Variants in DNAH9 observed in about 807,000 individuals in gnomAD.
DNAH9 encodes the protein DNAH9 variant protein.
In DNAH9, 345 loss-of-function variants were observed where a neutral mutation model predicts 471.6. The ratio of observed to expected loss-of-function variants is 0.73; its 90% CI spans 0.67 to 0.80. DNAH9 has a LOEUF of 0.80. Ranked by LOEUF, DNAH9 falls within the 30% of genes least tolerant of loss-of-function variation. DNAH9 has a pLI of 0.00. For synonymous variants in DNAH9, 2,093 were observed against 2,123.6 expected (o/e 0.99, Z 0.40); for missense variants, 5,407 against 5,609.2 (o/e 0.96, Z 1.15).
intron 27 of DNAH9, 151 bp from the exon 28 acceptor site, chr17:11,727,667 T>A (rs973152816): frequency 1.1e-5 from 7 of 613,640 alleles, no homozygotes; most frequent in South Asian, 1.0e-4. Flanking sequence ...CATCAAACAT[T>A]TAATTGTTCT....
rs1486480940 is a variant in DNAH9, at chr17:11,883,687, A to G, written c.10908A>G (p.Gly3636=). 6.2e-7 allele frequency: 1 copy of G among 1,614,010 alleles called. No individual in the cohort carries two copies. Among genetic ancestry groups the G allele is most frequent in the African/African-American group, 1.3e-5 (1 of 74,902 alleles). ...RLSSASGNFL[G]ETVLVENLEI... Reference sequence around the variant, plus strand: ...CCTCCGCCTCTGGGAACTTCCTGGGAGAAACAGTGCTGGTGGAAAACCTAG... The same window carrying G: ...CCTCCGCCTCTGGGAACTTCCTGGGGGAAACAGTGCTGGTGGAAAACCTAG... Residue 3636 remains glycine, a synonymous_variant, in exon 56 of 69, where the codon GGA becomes GGG. Coordinates refer to ENST00000262442, the MANE Select transcript of DNAH9 (RefSeq NM_001372.4).
chr17:11,704,409 C>T lies in DNAH9; in HGVS notation c.5358C>T (p.Ala1786=). 1.9e-6 allele frequency: 3 copies of T among 1,613,658 alleles called. No homozygotes were observed. Among genetic ancestry groups the T allele is most frequent in the South Asian group, 2.2e-5 (2 of 91,038 alleles). The change falls in exon 25 of 69, where the codon GCC becomes GCT. Residue 1786 remains alanine, a synonymous_variant. Transcript: ENST00000262442. ...IMTICTIDVH[A]RDVVAKMIAQ... ...CTATATGCACCATCGATGTGCATGC[C>T]CGGGATGTGGTAGCCAAGATGATTG...
Position 11,735,625 on chromosome 17 carries a change from C to A in DNAH9, c.5815-3255C>A, listed in dbSNP as rs992905548. Among the ~76,000 whole-genome samples the A allele has an allele frequency of 3.9e-5, 6 of 151,994 alleles. No homozygotes were observed. In the East Asian group the frequency reaches 1.2e-3, roughly 29 times the overall value. On this transcript the variant is annotated intron_variant, in intron 28 of 68. Coordinates refer to ENST00000262442, the MANE Select transcript of DNAH9 (RefSeq NM_001372.4). ...TAATTTTTTGTATTTTTAGTGGAGA[C>A]GGGATTTCACTGTGTTAGCCAGGAT...
intron 28 of DNAH9, among the ~76,000 whole-genome samples, chr17:11,732,675 A>G (rs557936829): frequency 1.3e-5 from 2 of 152,344 alleles, no homozygotes; most frequent in East Asian, 3.9e-4. Context: ...TGTTTAAAAA[A>G]TGTCTAAGAT....
intron 44 of DNAH9, among the ~76,000 whole-genome samples, chr17:11,810,036 G>A (rs1338400798): frequency 6.6e-6 from 1 of 152,036 alleles, no homozygotes; most frequent in Non-Finnish European, 1.5e-5. Flanking sequence ...AATTTCTCTT[G>A]CCCACCTTTA....
chr17:11,942,388 C>T lies in DNAH9; in HGVS notation c.12746C>T (p.Thr4249Ile). Reference sequence around the variant, plus strand: ...CTGATGGCCAAAGTGGAGGAGCGCACCCCTTACATTGTAGTTGCCTTCCAG... The same window carrying T: ...CTGATGGCCAAAGTGGAGGAGCGCATCCCTTACATTGTAGTTGCCTTCCAG... Reference protein sequence around the residue: ...PELMAKVEERTPYIVVAFQEC... With the variant: ...PELMAKVEERIPYIVVAFQEC... Residue 4249 changes from threonine (T) to isoleucine (I), a missense_variant, in exon 67 of 69, where the codon ACC becomes ATC. Thr to Ile is a moderately conservative substitution (Grantham distance 89). Transcript: ENST00000262442. 6.2e-7 allele frequency: 1 copy of T among 1,614,186 alleles called. No individual in the cohort carries two copies. The highest frequency in any genetic ancestry group is 8.5e-7 in the Non-Finnish European group (1 of 1,180,040).
chr17:11,673,228 C>T (rs2073998878), intron 17 of DNAH9, among the ~76,000 whole-genome samples: 2 of 152,166 alleles, frequency 1.3e-5, no homozygotes, highest in African/African-American at 4.8e-5. Flanking sequence ...ATGACTCTGC[C>T]TCTCATTTCA....
In DNAH9 at chr17:11,601,131, C is replaced by T. The variant is rs775591204; in HGVS notation, c.417+2216C>T. Among the ~76,000 whole-genome samples the T allele has an allele frequency of 1.2e-4, 18 of 152,138 alleles. No individual in the cohort carries two copies. The South Asian group carries it at 1.2e-3, about 10-fold the overall frequency. ...TATCGTCACCGCCTATCGTCATATG[C>T]GGGATTTCTTTCTTTTTTTAACAAT... On this transcript the variant is annotated intron_variant, in intron 1 of 68. Transcript: ENST00000262442.
chr17:11,923,869 G>C lies in DNAH9; in HGVS notation c.11805G>C (p.Gly3935=), dbSNP rs1340585374. The change falls in exon 62 of 69, where the codon GGG becomes GGC. Residue 3935 remains glycine (G), a synonymous_variant. Coordinates refer to ENST00000262442, the MANE Select transcript of DNAH9 (RefSeq NM_001372.4). ...AGAACTTTCACAACGTGTCTTTGGGGCAAGGACAGGAAGTGGTGGCTGAGG... is the reference window on the plus strand; with the variant it reads ...AGAACTTTCACAACGTGTCTTTGGGCCAAGGACAGGAAGTGGTGGCTGAGG... The part of the protein sequence containing the change: ...NNQNFHNVSL[G]QGQEVVAEAA... The C allele has an allele frequency of 6.2e-7, 1 of 1,614,056 alleles. No individual in the cohort carries two copies. Among genetic ancestry groups the C allele is most frequent in the Non-Finnish European group, 8.5e-7 (1 of 1,179,972 alleles).
intron 38 of DNAH9, among the ~76,000 whole-genome samples, chr17:11,779,032 C>T (rs554556670): frequency 1.3e-5 from 2 of 152,082 alleles, no homozygotes; most frequent in East Asian, 3.9e-4. Flanking sequence ...AATTAAATTG[C>T]CCTTCAAGTA....
intron 59 of DNAH9, among the ~76,000 whole-genome samples, chr17:11,902,267 G>C (rs1973439305): frequency 6.6e-6 from 1 of 152,222 alleles, no homozygotes. Context: ...GGCATTTTAA[G>C]AGTTGGCGTT....
intron 48 of DNAH9, among the ~76,000 whole-genome samples, chr17:11,832,572 G>A (rs569205023): frequency 6.6e-6 from 1 of 152,176 alleles, no homozygotes; most frequent in Non-Finnish European, 1.5e-5. Context: ...CTCCGTTTGA[G>A]GTTAACACAA....
intron 19 of DNAH9, among the ~76,000 whole-genome samples, chr17:11,687,165 C>T (rs911630056): frequency 1.3e-5 from 2 of 152,124 alleles, no homozygotes; most frequent in Admixed American, 1.3e-4. Flanking sequence ...AGCACTCTGA[C>T]CTTCTGTTCT....
At chr17:11,694,625 G>GCT (rs1377691223) in intron 22 of DNAH9, among the ~76,000 whole-genome samples, 178 bp downstream of exon 22, 156 of 4,576 alleles carry the variant, frequency 0.034, 20 homozygotes, top group African/African-American at 0.041. Context: ...TTGCTTTCTT[G>GCT]CTTTCTTGCT....
chr17:11,662,787 G>T (rs1164622753), intron 14 of DNAH9, among the ~76,000 whole-genome samples: 1 of 104,330 alleles, frequency 9.6e-6, no homozygotes, highest in Non-Finnish European at 1.7e-5. Flanking sequence ...ACGGAGTCTC[G>T]CTCTGTCGCC....
intron 28 of DNAH9, among the ~76,000 whole-genome samples, chr17:11,731,685 T>A (rs193233372): frequency 2.2e-4 from 34 of 151,996 alleles, no homozygotes; most frequent in Non-Finnish European, 4.6e-4. Flanking sequence ...TTGCTGAGAA[T>A]GATTGTTTCC....
rs561386815 is a variant in DNAH9, at chr17:11,641,416, G to T, written c.1901+1032G>T. 9.2e-5 allele frequency among the ~76,000 whole-genome samples: 14 copies of T among 152,264 alleles called. No homozygotes were observed. The South Asian group carries it at 2.9e-3, about 32-fold the overall frequency. On this transcript the variant is annotated intron_variant, in intron 10 of 68. Transcript: ENST00000262442. ...TGCAGAACTAACAAAGCATGCCTGTGAGGCAGGTCTGCCCAGCGGGTGACC... is the reference window on the plus strand; with the variant it reads ...TGCAGAACTAACAAAGCATGCCTGTTAGGCAGGTCTGCCCAGCGGGTGACC...
Position 11,962,366 on chromosome 17 carries a change from G to A in DNAH9, c.13233+110G>A. 2 of 1,444,790 alleles carry A rather than the reference G, an allele frequency of 1.4e-6. No individual in the cohort carries two copies. The highest frequency in any genetic ancestry group is 1.8e-6 in the Non-Finnish European group (2 of 1,100,584). The allele number at this position is 1,444,790 out of a possible 1,614,324, so 89.5% of individuals were successfully genotyped here. A position where few individuals can be genotyped will look rare whatever the true frequency, so the allele number is the denominator to read the frequency against. On this transcript the variant is annotated intron_variant, in intron 68 of 68. Coordinates refer to ENST00000262442, the MANE Select transcript of DNAH9 (RefSeq NM_001372.4). The surrounding 1 kb of genome is among the most constrained non-coding windows in gnomAD (Gnocchi z 4.1). ...AGATATTCCTGAATCTTTTTCTCTAGCTAACCTTCTTTCCTTGAGGCCATC... is the reference window on the plus strand; with the variant it reads ...AGATATTCCTGAATCTTTTTCTCTAACTAACCTTCTTTCCTTGAGGCCATC...
intron 59 of DNAH9, among the ~76,000 whole-genome samples, chr17:11,896,128 T>G (rs1973209343): frequency 6.6e-6 from 1 of 152,270 alleles, no homozygotes; most frequent in Non-Finnish European, 1.5e-5. Context: ...CCTGTCTCTC[T>G]GCTTCTTATA....
Sources: allele counts gnomAD v4.1 joint callset (sites outside exome capture counted in the v4.1 genomes callset), GRCh38; gene constraint gnomAD v4.1.1; non-coding constraint Gnocchi (gnomAD v3.1); transcripts MANE v1.5; gene names NCBI Gene and HGNC (gene_info 2026-07-23, HGNC 2026-07-21).